NSD2: variants seen among roughly 807,000 people sequenced by gnomAD.
NSD2 encodes the protein histone-lysine N-methyltransferase NSD2.
A neutral mutation model predicts 139.0 loss-of-function variants in NSD2; 12 were observed. The ratio of observed to expected loss-of-function variants is 0.09; its 90% CI spans 0.06 to 0.14. NSD2 has a LOEUF of 0.14. Ranked by LOEUF, NSD2 falls within the 10% of genes least tolerant of loss-of-function variation. NSD2 has a pLI of 1.00. For synonymous variants in NSD2, 669 were observed against 648.7 expected, an observed-to-expected ratio of 1.03 and a Z score of -0.48; for missense variants, 1,155 against 1,745.0, an observed-to-expected ratio of 0.66 and a Z score of 6.02.
Position 1,981,236 on chromosome 4 carries a change from AC to A in NSD2, c.*2328del, listed in dbSNP as rs1727733511. The A allele has an allele frequency of 1.3e-5, 3 of 233,186 alleles. No individual in the cohort carries two copies. The highest frequency in any genetic ancestry group is 6.6e-5 in the African/African-American group (3 of 45,364). The allele number at this position is 233,186 out of a possible 1,614,324, so 14.4% of individuals were successfully genotyped here. On this transcript the variant is annotated 3_prime_UTR_variant, in exon 22 of 22. Coordinates refer to ENST00000508803, the MANE Select transcript of NSD2 (RefSeq NM_001042424.3). ...ACTGTTAAACTAATGAGCAAGTAAC[AC>A]TAACTTTGAATGTCTCTACAATACC...
rs189412943 is a variant in NSD2 at position 1,954,921 on chromosome 4, C to T, written c.2339-240C>T. 1.3e-3 allele frequency among the ~76,000 whole-genome samples: 193 copies of T among 152,300 alleles called. 1 individual carries two copies. Among genetic ancestry groups the T allele is most frequent in the African/African-American group, 4.3e-3 (180 of 41,572 alleles). ...GCACAATGCCCAGGTCGGCTGCCCA[C>T]GTGCCCCAGGTGCCTGCAGTGCCCA... On this transcript the variant is annotated intron_variant, in intron 12 of 21. Coordinates refer to ENST00000508803, the MANE Select transcript of NSD2 (RefSeq NM_001042424.3).
chr4:1,938,596 G>GGGGGC, intron 8 of NSD2, 64 bp downstream of exon 8: 6 of 760,480 alleles, frequency 7.9e-6, no homozygotes, highest in Non-Finnish European at 8.9e-6. Context: ...GGGTGGGTGG[G>GGGGGC]CTGAGAGTGT....
chr4:1,929,029 G>GCCAGAC (rs1721302906), intron 5 of NSD2, among the ~76,000 whole-genome samples: 1 of 152,080 alleles, frequency 6.6e-6, no homozygotes, highest in Admixed American at 6.6e-5. Context: ...GGGGGTCAGA[G>GCCAGAC]CCAGACCCAG....
chr4:1,955,197 A>G lies in NSD2; in HGVS notation c.2375A>G (p.Tyr792Cys). The G allele has an allele frequency of 6.2e-7, 1 of 1,613,568 alleles. No homozygotes were observed. The highest frequency in any genetic ancestry group is 8.5e-7 in the Non-Finnish European group (1 of 1,179,500). ...MMRCVRCPVA[Y>C]HSGDACLAAG... The stretch of plus-strand genomic sequence containing the variant: ...CGGTGTGTCCGCTGCCCCGTTGCCT[A>G]TCACAGCGGGGATGCTTGTCTGGCA... The change falls in exon 13 of 22, where the codon TAT (tyrosine) becomes TGT (cysteine). Residue 792 changes from tyrosine (Y) to cysteine (C), a missense_variant. Physicochemically the swap from Tyr to Cys is radical, Grantham distance 194. Around this residue, in one of 8 missense-constraint regions of NSD2, gnomAD observed 120 missense variants for 239.3 expected, o/e 0.50. Coordinates refer to ENST00000508803, the MANE Select transcript of NSD2 (RefSeq NM_001042424.3). This position sits in a 1 kb window ranked among gnomAD's most constrained non-coding sequence, Gnocchi z 4.7.
At chr4:1,905,407 C>CA (rs2108760773) in intron 3 of NSD2, among the ~76,000 whole-genome samples, 1 of 152,222 alleles carries the variant, frequency 6.6e-6, no homozygotes, top group Non-Finnish European at 1.5e-5. Context: ...TGCTCCAGTC[C>CA]AATATTGCTG....
intron 6 of NSD2, among the ~76,000 whole-genome samples, chr4:1,932,165 G>A (rs986407807): frequency 1.2e-4 from 18 of 152,228 alleles, no homozygotes; most frequent in Admixed American, 9.8e-4. Flanking sequence ...GTCTGGGCAC[G>A]GTGGCTCACA....
intron 19 of NSD2, 141 bp downstream of exon 19, chr4:1,975,145 T>G (rs933465180): frequency 6.9e-7 from 1 of 1,452,220 alleles, no homozygotes; most frequent in Non-Finnish European, 9.4e-7. Context: ...TGAATATCTC[T>G]TTTACCAAGC....
chr4:1,946,243 G>A (rs2108921706), intron 9 of NSD2: 4 of 1,001,512 alleles, frequency 4.0e-6, no homozygotes, highest in South Asian at 4.7e-5. Context: ...AATTTGGGGG[G>A]TCTTGCATTT....
intron 3 of NSD2, among the ~76,000 whole-genome samples, chr4:1,910,012 ATATACT>A (rs1016937109): frequency 6.6e-5 from 10 of 152,174 alleles, no homozygotes; most frequent in Non-Finnish European, 8.8e-5. Context: ...TATCTTAGTA[ATATACT>A]TAAATTTTGA....
At chr4:1,978,198 G>C (rs1031107139) in intron 21 of NSD2, among the ~76,000 whole-genome samples, 4 of 152,200 alleles carry the variant, frequency 2.6e-5, no homozygotes, top group Admixed American at 1.3e-4. Flanking sequence ...ATAGAGAAAA[G>C]TGTTGGCCAT....
chr4:1,946,522 C>T, intron 9 of NSD2: 2 of 990,496 alleles, frequency 2.0e-6, no homozygotes, highest in Non-Finnish European at 1.2e-6. Context: ...ACCCGCCTCA[C>T]CCTCCCAAAA....
intron 6 of NSD2, among the ~76,000 whole-genome samples, chr4:1,931,754 CTCAGTGT>C (rs1216423670): frequency 6.6e-6 from 1 of 152,140 alleles, no homozygotes; most frequent in Non-Finnish European, 1.5e-5. Flanking sequence ...GTTCAACTTC[CTCAGTGT>C]TCATTGCAAA....
At position 1,944,041 on chromosome 4, in the gene NSD2, G is replaced by A. The variant is rs192660217; in HGVS notation, c.1881+4263G>A. ...CATTGGCATCAGCTGAATAACCAGG[G>A]GCACATGGGGGAACGTGGATGGGAA... On this transcript the variant is annotated intron_variant, in intron 9 of 21. Transcript: ENST00000508803. The A allele has an allele frequency of 2.1e-3, 2,194 of 1,065,982 alleles. 4 individuals are homozygous for A. The highest frequency in any genetic ancestry group is 2.3e-3 in the Non-Finnish European group (2,046 of 879,482). The allele number at this position is 1,065,982 out of a possible 1,614,324, so 66.0% of individuals were successfully genotyped here. A position where few individuals can be genotyped will look rare whatever the true frequency, so the allele number is the denominator to read the frequency against.
chr4:1,950,306 C>G (rs1724073538), intron 9 of NSD2, among the ~76,000 whole-genome samples: 1 of 152,204 alleles, frequency 6.6e-6, no homozygotes, highest in South Asian at 2.1e-4. Context: ...AGAAGAGATA[C>G]AACCTGCGAG....
chr4:1,900,858 C>G lies in NSD2; in HGVS notation c.204C>G (p.His68Gln). 6.2e-7 allele frequency: 1 copy of G among 1,613,504 alleles called. No homozygotes were observed. Among genetic ancestry groups the G allele is most frequent in the Non-Finnish European group, 8.5e-7 (1 of 1,179,590 alleles). ...GGGTCATGCAGAAGTTTAACGGCCACGACGCCCTGCCCTTTATTCCAGCCG... is the reference window on the plus strand; with the variant it reads ...GGGTCATGCAGAAGTTTAACGGCCAGGACGCCCTGCCCTTTATTCCAGCCG... The part of the protein sequence containing the change: ...QEGVMQKFNG[H>Q]DALPFIPADK... Residue 68 changes from histidine to glutamine, a missense_variant, in exon 2 of 22, where the codon CAC becomes CAG. His to Gln is a conservative substitution (Grantham distance 24). Transcript: ENST00000508803.
chr4:1,919,928 C>G (rs1719900652), intron 5 of NSD2, among the ~76,000 whole-genome samples: 1 of 151,540 alleles, frequency 6.6e-6, no homozygotes. Context: ...GAATGAGACG[C>G]CGTCTCAAAA....
rs916289697 is a variant in NSD2, at chr4:1,981,839, T to C, written c.*2930T>C. ...AAATATCTTGATCCTATGAGTGTAG[T>C]TGATGACTGTTTGTTAGTCAGTAGA... On this transcript the variant is annotated 3_prime_UTR_variant, in exon 22 of 22. Coordinates refer to ENST00000508803, the MANE Select transcript of NSD2 (RefSeq NM_001042424.3). 18 of 398,106 alleles carry C rather than the reference T, an allele frequency of 4.5e-5. No individual in the cohort carries two copies. Among genetic ancestry groups the C allele is most frequent in the East Asian group, 1.4e-4 (4 of 28,092 alleles). 24.7% of individuals were successfully genotyped at this position (398,106 alleles called of 1,614,324 possible). A position where few individuals can be genotyped will look rare whatever the true frequency, so the allele number is the denominator to read the frequency against.
At position 1,976,293 on chromosome 4, in the gene NSD2, G is replaced by A. The variant is rs1560815744; in HGVS notation, c.3622-182G>A. 8 of 652,020 alleles carry A rather than the reference G, an allele frequency of 1.2e-5. No individual in the cohort carries two copies. The highest frequency in any genetic ancestry group is 7.9e-5 in the South Asian group (4 of 50,520). The allele number at this position is 652,020 out of a possible 1,614,324, so 40.4% of individuals were successfully genotyped here. A position where few individuals can be genotyped will look rare whatever the true frequency, so the allele number is the denominator to read the frequency against. On this transcript the variant is annotated intron_variant, in intron 20 of 21. Transcript: ENST00000508803. The surrounding 1 kb of genome is among the most constrained non-coding windows in gnomAD (Gnocchi z 5.3). The stretch of plus-strand genomic sequence containing the variant: ...CGTAGTCTTTGTTCAGCTTTTTCAC[G>A]CTGAGTCGAGTGAGTCTAAGGATGT...
intron 5 of NSD2, among the ~76,000 whole-genome samples, chr4:1,921,343 C>T (rs1390627525): frequency 2.6e-5 from 4 of 151,688 alleles, no homozygotes; most frequent in South Asian, 2.1e-4. Flanking sequence ...CCTGTACTTC[C>T]GGCTATGTGG....
Sources: gnomAD v4.1 joint callset for allele counts (sites outside exome capture counted in the v4.1 genomes callset) on GRCh38, gnomAD v4.1.1 for gene constraint, gnomAD v4.1.1 regional missense constraint, Gnocchi (gnomAD v3.1) non-coding constraint, MANE v1.5 for transcripts, NCBI Gene and HGNC (gene_info 2026-07-23, HGNC 2026-07-21) for gene names.